Variants in GPATCH2 observed in about 807,000 individuals in gnomAD.
GPATCH2 encodes G patch domain-containing protein 2.
In GPATCH2, 51 loss-of-function variants were observed where a neutral mutation model predicts 58.0. The observed-to-expected ratio is 0.88, with a 90% CI of 0.70 to 1.11. The LOEUF (loss-of-function observed/expected upper bound fraction) is 1.11, where lower values mean the gene tolerates loss of function less well. Among genes scored for constraint, GPATCH2 ranks in the 50% most tolerant of loss-of-function variants. The pLI is 0.00. For synonymous variants in GPATCH2, 222 were observed against 218.5 expected (o/e 1.02, Z -0.14); for missense variants, 625 against 652.2 (o/e 0.96, Z 0.45).
chr1:217,574,572 C>T (rs1268095049), intron 5 of GPATCH2, among the ~76,000 whole-genome samples: 1 of 152,060 alleles, frequency 6.6e-6, no homozygotes. Context: ...TAATCATAAA[C>T]CTAAAATAAG....
chr1:217,447,959 A>G (rs761225264), intron 9 of GPATCH2, among the ~76,000 whole-genome samples: 39 of 152,036 alleles, frequency 2.6e-4, no homozygotes, highest in Non-Finnish European at 4.9e-4. Context: ...TTAGCTGGGC[A>G]TGGTGGTGGG....
At chr1:217,505,543 A>G (rs931060703) in intron 6 of GPATCH2, among the ~76,000 whole-genome samples, 2 of 152,182 alleles carry the variant, frequency 1.3e-5, no homozygotes, top group African/African-American at 2.4e-5. Context: ...TTTCATGGGA[A>G]GTCAATTAAT....
Position 217,428,792 on chromosome 1 carries a change from T to A in GPATCH2, c.*2353A>T, listed in dbSNP as rs1345590960. The A allele has an allele frequency of 6.6e-6, 1 of 152,236 alleles. No individual in the cohort carries two copies. The highest frequency in any genetic ancestry group is 6.5e-5 in the Admixed American group (1 of 15,286). 9.4% of individuals were successfully genotyped at this position (152,236 alleles called of 1,614,324 possible). ...GAATTTTTTTAGGTGTTAGAGAAGCTAAGTTAACATCCCACAGAAGTTGCT... is the reference window on the plus strand; with the variant it reads ...GAATTTTTTTAGGTGTTAGAGAAGCAAAGTTAACATCCCACAGAAGTTGCT... On this transcript the variant is annotated 3_prime_UTR_variant, in exon 10 of 10. Coordinates refer to ENST00000366935, the MANE Select transcript of GPATCH2 (RefSeq NM_018040.5).
At position 217,620,080 on chromosome 1, in the gene GPATCH2, C is replaced by T. The variant is rs150988724; in HGVS notation, c.476G>A (p.Arg159His). ...CATGCGTTTTACCTTTCTCCTCCTG[C>T]GCAGAGTTCTATTCCCAACATTGTC... Reference protein sequence around the residue: ...AVDNVGNRTLRRRRKVKRMAV... With the variant: ...AVDNVGNRTLHRRRKVKRMAV... The change falls in exon 2 of 10, where the codon CGC becomes CAC. Residue 159 changes from arginine to histidine, a missense_variant. Arg to His is a conservative substitution (Grantham distance 29). Coordinates refer to ENST00000366935, the MANE Select transcript of GPATCH2 (RefSeq NM_018040.5). The T allele has an allele frequency of 3.2e-5, 52 of 1,613,984 alleles. No individual in the cohort carries two copies. Among genetic ancestry groups the T allele is most frequent in the East Asian group, 4.5e-5 (2 of 44,884 alleles).
intron 5 of GPATCH2, among the ~76,000 whole-genome samples, chr1:217,525,987 A>C (rs1397632393): frequency 6.6e-6 from 1 of 152,146 alleles, no homozygotes; most frequent in Non-Finnish European, 1.5e-5. Context: ...TTATTCAACA[A>C]TGTGTCATAT....
chr1:217,595,625 G>A (rs918406304), intron 5 of GPATCH2, among the ~76,000 whole-genome samples: 2 of 151,706 alleles, frequency 1.3e-5, no homozygotes, highest in South Asian at 2.1e-4. Context: ...TCAGCCTCCC[G>A]AGTAGCTGGG....
chr1:217,600,269 AC>A (rs1409341090), intron 5 of GPATCH2, among the ~76,000 whole-genome samples: 1 of 152,200 alleles, frequency 6.6e-6, no homozygotes, highest in Non-Finnish European at 1.5e-5. Context: ...CTTAAAACAT[AC>A]ATAAGTACCT....
chr1:217,615,048 T>C (rs1668820297), intron 2 of GPATCH2, among the ~76,000 whole-genome samples: 1 of 152,034 alleles, frequency 6.6e-6, no homozygotes, highest in African/African-American at 2.4e-5. Flanking sequence ...ATTTTATTTT[T>C]ACTGTAATTC....
Position 217,620,163 on chromosome 1 carries a change from G to C in GPATCH2, c.393C>G (p.Asn131Lys). Residue 131 changes from asparagine (N) to lysine (K), a missense_variant, in exon 2 of 10, where the codon AAC (asparagine) becomes AAG (lysine). Coordinates refer to ENST00000366935, the MANE Select transcript of GPATCH2 (RefSeq NM_018040.5). ...TTTTCCCTCGAACATTATTATTTAA[G>C]TTTGATGACGGCCTGCGCTTTGCTA... ...MLVAKRRPSS[N>K]LNNNVRGKRP... is the part of the protein sequence containing the mutation. The C allele has an allele frequency of 6.2e-7, 1 of 1,614,006 alleles. No individual in the cohort carries two copies. Among genetic ancestry groups the C allele is most frequent in the Non-Finnish European group, 8.5e-7 (1 of 1,179,910 alleles).
intron 9 of GPATCH2, among the ~76,000 whole-genome samples, chr1:217,432,670 T>A: frequency 6.6e-6 from 1 of 152,192 alleles, no homozygotes; most frequent in South Asian, 2.1e-4. Flanking sequence ...GAAGTCTTAA[T>A]TATCAGAGCA....
At chr1:217,475,897 T>C (rs1333999545) in intron 8 of GPATCH2, among the ~76,000 whole-genome samples, 2 of 151,872 alleles carry the variant, frequency 1.3e-5, no homozygotes, top group Admixed American at 6.6e-5. Flanking sequence ...ACAGGGGATA[T>C]ATGAAGGAAA....
intron 8 of GPATCH2, among the ~76,000 whole-genome samples, chr1:217,457,871 T>C (rs186553507): frequency 1.8e-4 from 28 of 152,336 alleles, no homozygotes; most frequent in South Asian, 6.2e-4. Context: ...CCCACTGATA[T>C]TCTGACATCA....
At chr1:217,532,854 T>C (rs1664259518) in intron 5 of GPATCH2, among the ~76,000 whole-genome samples, 1 of 151,520 alleles carries the variant, frequency 6.6e-6, no homozygotes, top group African/African-American at 2.4e-5. Flanking sequence ...CTGGTCTTAA[T>C]TGTAAAAAGT....
intron 7 of GPATCH2, 100 bp from the exon 8 acceptor site, chr1:217,491,850 T>TTATTTGCAC (rs1661753267): frequency 2.2e-6 from 1 of 448,584 alleles, no homozygotes; most frequent in African/African-American, 2.1e-5. Flanking sequence ...CACTACTCAT[T>TTATTTGCAC]TATTTGCACG....
At chr1:217,619,033 CTG>C (rs1422405132) in intron 2 of GPATCH2, among the ~76,000 whole-genome samples, 15 of 151,836 alleles carry the variant, frequency 9.9e-5, no homozygotes, top group Non-Finnish European at 4.4e-5. Flanking sequence ...TATTTACAGA[CTG>C]TTTTTTTCTG....
chr1:217,536,548 C>G (rs11117880), intron 5 of GPATCH2, among the ~76,000 whole-genome samples: 54,545 of 151,994 alleles, frequency 0.36, 10,663 homozygotes, highest in Non-Finnish European at 0.44. Context: ...TTTTGGAAAT[C>G]CCATCGCAAT....
chr1:217,430,682 T>A lies in GPATCH2; in HGVS notation c.*463A>T, dbSNP rs1658490710. ...AATTGACAAGCCTTTCAAACAAAGATGTGTTCGGACTTCACTGATGCGATG... is the reference window on the plus strand; with the variant it reads ...AATTGACAAGCCTTTCAAACAAAGAAGTGTTCGGACTTCACTGATGCGATG... On this transcript the variant is annotated 3_prime_UTR_variant, in exon 10 of 10. Transcript: ENST00000366935. 1 of 157,238 alleles carries A rather than the reference T, an allele frequency of 6.4e-6. No homozygotes were observed. Among genetic ancestry groups the A allele is most frequent in the Admixed American group, 6.2e-5 (1 of 16,030 alleles). 9.7% of individuals were successfully genotyped at this position (157,238 alleles called of 1,614,324 possible).
At chr1:217,534,350 G>C (rs934291252) in intron 5 of GPATCH2, among the ~76,000 whole-genome samples, 12 of 152,024 alleles carry the variant, frequency 7.9e-5, no homozygotes, top group African/African-American at 2.9e-4. Flanking sequence ...AAACATACTA[G>C]CAAACATTCA....
intron 8 of GPATCH2, among the ~76,000 whole-genome samples, chr1:217,468,539 A>G: frequency 1.1e-5 from 1 of 91,148 alleles, no homozygotes; most frequent in East Asian, 4.4e-4. Flanking sequence ...ACACACACAC[A>G]CACACACACA....
Sources: gnomAD v4.1 joint callset for allele counts (sites outside exome capture counted in the v4.1 genomes callset) on GRCh38, gnomAD v4.1.1 for gene constraint, MANE v1.5 for transcripts, NCBI Gene and HGNC (gene_info 2026-07-23, HGNC 2026-07-21) for gene names.